The following TNFRSF11A variants were observed in gnomAD, a reference collection of about 807,000 sequenced individuals.
The protein encoded by TNFRSF11A is TNF receptor superfamily member 11a, also known as tumor necrosis factor receptor superfamily member 11A.
Under a neutral mutation model 55.7 loss-of-function variants are expected in TNFRSF11A, and 32 were observed. The ratio of observed to expected loss-of-function variants is 0.57; its 90% CI spans 0.43 to 0.77. The LOEUF is 0.77. Ranked by LOEUF, TNFRSF11A falls within the 30% of genes least tolerant of loss-of-function variation. TNFRSF11A has a pLI of 0.00. For synonymous variants in TNFRSF11A, 311 were observed against 331.0 expected, an observed-to-expected ratio of 0.94 and a Z score of 0.65; for missense variants, 753 against 809.8, an observed-to-expected ratio of 0.93 and a Z score of 0.85.
chr18:62,330,976 G>A (rs1047489957), intron 1 of TNFRSF11A: 2 of 152,232 alleles, frequency 1.3e-5, no homozygotes, highest in South Asian at 2.1e-4. Flanking sequence ...GGAGGCCAAG[G>A]TGGCAGATCA....
chr18:62,372,180 A>C (rs571143101), intron 9 of TNFRSF11A, among the ~76,000 whole-genome samples: 3 of 152,304 alleles, frequency 2.0e-5, no homozygotes, highest in African/African-American at 7.2e-5. Context: ...AGCAAGGAGA[A>C]TGATTAGCAA....
Position 62,325,500 on chromosome 18 carries a change from G to A in TNFRSF11A, c.75+73G>A, listed in dbSNP as rs2046059010. On this transcript the variant is annotated intron_variant, in intron 1 of 9. Coordinates refer to ENST00000586569, the MANE Select transcript of TNFRSF11A (RefSeq NM_003839.4). The surrounding 1 kb of genome is among the most constrained non-coding windows in gnomAD (Gnocchi z 4.7). ...GGGAGCCCCGGGAAGGGCCGGGGCC[G>A]GCGGCATCCTGGCTCCTCCGCCTTC... 3 of 1,033,718 alleles carry A rather than the reference G, an allele frequency of 2.9e-6. No homozygotes were observed. Among genetic ancestry groups the A allele is most frequent in the East Asian group, 4.9e-5 (1 of 20,564 alleles). 64.0% of individuals were successfully genotyped at this position (1,033,718 alleles called of 1,614,324 possible).
At chr18:62,326,239 G>C (rs2046073329) in intron 1 of TNFRSF11A, among the ~76,000 whole-genome samples, 1 of 152,222 alleles carries the variant, frequency 6.6e-6, no homozygotes, top group South Asian at 2.1e-4. Flanking sequence ...TTTCCCCTCT[G>C]TTAACACTAG....
chr18:62,376,089 A>T (rs1465389616), intron 9 of TNFRSF11A, among the ~76,000 whole-genome samples: 1 of 152,126 alleles, frequency 6.6e-6, no homozygotes, highest in East Asian at 1.9e-4. Context: ...TGGCTGAGGG[A>T]GAGGCAGTAG....
rs1187942039 is a variant in TNFRSF11A, at chr18:62,325,940, T to G, written c.75+513T>G. ...CCCTGAGCCCCTTCGGGGACACCCC[T>G]GCCAGCTCGCCTGGAGGCCCCGCAC... On this transcript the variant is annotated intron_variant, in intron 1 of 9. Coordinates refer to ENST00000586569, the MANE Select transcript of TNFRSF11A (RefSeq NM_003839.4). This position sits in a 1 kb window ranked among gnomAD's most constrained non-coding sequence, Gnocchi z 4.7. Among the ~76,000 whole-genome samples the G allele has an allele frequency of 2.0e-5, 3 of 152,284 alleles. No individual in the cohort carries two copies. The East Asian group carries it at 5.8e-4, about 30-fold the overall frequency.
At chr18:62,354,579 C>A (rs1909112059) in intron 4 of TNFRSF11A, 45 bp downstream of exon 4, 1 of 1,599,372 alleles carries the variant, frequency 6.3e-7, no homozygotes, top group South Asian at 1.1e-5. Flanking sequence ...CTGAGCCATG[C>A]AAAGCCAGCT....
chr18:62,364,317 A>G (rs1386592722), intron 7 of TNFRSF11A, among the ~76,000 whole-genome samples: 1 of 152,076 alleles, frequency 6.6e-6, no homozygotes, highest in Non-Finnish European at 1.5e-5. Context: ...AAAGCCAGGG[A>G]CCAAGTGGAA....
rs146599935 is a variant in TNFRSF11A at position 62,384,774 on chromosome 18, T to A, written c.1591T>A (p.Ser531Thr). The A allele has an allele frequency of 6.2e-7, 1 of 1,612,408 alleles. No homozygotes were observed. The highest frequency in any genetic ancestry group is 1.3e-5 in the African/African-American group (1 of 74,858). ...AGGAAATGTGACTGGAAACAGTAAC[T>A]CCACGTTCATCTCCAGCGGGCAGGT... ...ASGNVTGNSN[S>T]TFISSGQVMN... Residue 531 changes from serine to threonine, a missense_variant, in exon 10 of 10, where the codon TCC becomes ACC. Coordinates refer to ENST00000586569, the MANE Select transcript of TNFRSF11A (RefSeq NM_003839.4).
chr18:62,378,101 G>A (rs1180638389), intron 9 of TNFRSF11A: 1 of 152,158 alleles, frequency 6.6e-6, no homozygotes, highest in Non-Finnish European at 1.5e-5. Context: ...CTGCCAACAT[G>A]GTGACCTATT....
At chr18:62,330,273 T>C (rs2046132639) in intron 1 of TNFRSF11A, among the ~76,000 whole-genome samples, 1 of 151,904 alleles carries the variant, frequency 6.6e-6, no homozygotes, top group Non-Finnish European at 1.5e-5. Context: ...GGATAAGGAG[T>C]GCCTTCACCT....
At chr18:62,339,406 C>G (rs1230126587) in intron 1 of TNFRSF11A, among the ~76,000 whole-genome samples, 1 of 152,212 alleles carries the variant, frequency 6.6e-6, no homozygotes, top group Non-Finnish European at 1.5e-5. Flanking sequence ...CCTGCCCATT[C>G]AAAGCCAAGG....
chr18:62,330,179 T>C (rs1330110897), intron 1 of TNFRSF11A, among the ~76,000 whole-genome samples: 3 of 152,186 alleles, frequency 2.0e-5, no homozygotes, highest in African/African-American at 7.2e-5. Context: ...TTCAGGAGAT[T>C]GGCAGTCCAG....
At position 62,384,974 on chromosome 18, in the gene TNFRSF11A, G is replaced by A. The variant is rs1312755367; in HGVS notation, c.1791G>A (p.Gly597=). The A allele has an allele frequency of 2.0e-6, 3 of 1,473,816 alleles. No homozygotes were observed. Among genetic ancestry groups the A allele is most frequent in the South Asian group, 1.4e-5 (1 of 73,526 alleles). The allele number at this position is 1,473,816 out of a possible 1,614,324, so 91.3% of individuals were successfully genotyped here. A position where few individuals can be genotyped will look rare whatever the true frequency, so the allele number is the denominator to read the frequency against. Reference sequence around the variant, plus strand: ...CGGACCCGTGCGGCGGCCCCGAGGGGCTGCGGGAGCCGGAGAAGGCCTCGA... The same window carrying A: ...CGGACCCGTGCGGCGGCCCCGAGGGACTGCGGGAGCCGGAGAAGGCCTCGA... ...RFPDPCGGPE[G]LREPEKASRP... The change falls in exon 10 of 10, where the codon GGG becomes GGA. Residue 597 remains glycine, a synonymous_variant. Coordinates refer to ENST00000586569, the MANE Select transcript of TNFRSF11A (RefSeq NM_003839.4).
intron 1 of TNFRSF11A, among the ~76,000 whole-genome samples, chr18:62,347,563 C>T (rs1462487121): frequency 6.6e-6 from 1 of 152,120 alleles, no homozygotes; most frequent in Non-Finnish European, 1.5e-5. Flanking sequence ...CCCAGGAAGC[C>T]CCTACAACAC....
chr18:62,325,430 A>C lies in TNFRSF11A; in HGVS notation c.75+3A>C. On this transcript the variant is annotated splice_donor_region_variant and intron_variant, in intron 1 of 9. Transcript: ENST00000586569. This position sits in a 1 kb window ranked among gnomAD's most constrained non-coding sequence, Gnocchi z 4.7. ...GCGCGCTGCTCGCCCGGCTGCAGGT[A>C]AGGAGCGCCCGCGCCTGCCGGGCCG... 5 of 1,242,974 alleles carry C rather than the reference A, an allele frequency of 4.0e-6. No homozygotes were observed. Among genetic ancestry groups the C allele is most frequent in the East Asian group, 4.7e-5 (1 of 21,146 alleles). 77.0% of individuals were successfully genotyped at this position (1,242,974 alleles called of 1,614,324 possible). A position where few individuals can be genotyped will look rare whatever the true frequency, so the allele number is the denominator to read the frequency against.
intron 1 of TNFRSF11A, among the ~76,000 whole-genome samples, chr18:62,327,116 T>A (rs965028660): frequency 6.6e-6 from 1 of 152,192 alleles, no homozygotes; most frequent in Admixed American, 6.5e-5. Flanking sequence ...GCAATAAAAA[T>A]GGTCTCTGAC....
intron 3 of TNFRSF11A, among the ~76,000 whole-genome samples, chr18:62,353,223 T>C (rs1274120068): frequency 3.3e-5 from 5 of 152,204 alleles, no homozygotes; most frequent in Non-Finnish European, 5.9e-5. Context: ...CGTAAACTTG[T>C]TTCATGTGTG....
intron 1 of TNFRSF11A, among the ~76,000 whole-genome samples, chr18:62,344,674 G>C (rs944638956): frequency 3.9e-5 from 6 of 152,232 alleles, no homozygotes; most frequent in Admixed American, 2.6e-4. Flanking sequence ...CAGAAGCCTA[G>C]AGGGCTACTG....
chr18:62,325,401 C>T lies in TNFRSF11A; in HGVS notation c.49C>T (p.Leu17Phe). ...CCGCCCGCTGTTCGCGCTGCTGCTG[C>T]TCTGCGCGCTGCTCGCCCGGCTGCA... ...RRRPLFALLL[L>F]CALLARLQVA... is the part of the protein sequence containing the mutation. Residue 17 changes from leucine to phenylalanine, a missense_variant, in exon 1 of 10, where the codon CTC becomes TTC. By Grantham distance (22) the Leu-to-Phe change is conservative. Coordinates refer to ENST00000586569, the MANE Select transcript of TNFRSF11A (RefSeq NM_003839.4). The surrounding 1 kb of genome is among the most constrained non-coding windows in gnomAD (Gnocchi z 4.7). 2.4e-6 allele frequency: 3 copies of T among 1,231,492 alleles called. No homozygotes were observed. Among genetic ancestry groups the T allele is most frequent in the East Asian group, 4.5e-5 (1 of 22,050 alleles). 76.3% of individuals were successfully genotyped at this position (1,231,492 alleles called of 1,614,324 possible). A position where few individuals can be genotyped will look rare whatever the true frequency, so the allele number is the denominator to read the frequency against.
Sources: gnomAD v4.1 joint callset for allele counts (sites outside exome capture counted in the v4.1 genomes callset) on GRCh38, gnomAD v4.1.1 for gene constraint, Gnocchi (gnomAD v3.1) non-coding constraint, MANE v1.5 for transcripts, NCBI Gene and HGNC (gene_info 2026-07-23, HGNC 2026-07-21) for gene names.